PRPSAP1: variants seen among roughly 807,000 people sequenced by gnomAD.
PRPSAP1 encodes the protein phosphoribosyl pyrophosphate synthase-associated protein 1.
Under a neutral mutation model 39.4 loss-of-function variants are expected in PRPSAP1, and 31 were observed. The ratio of observed to expected loss-of-function variants is 0.79; its 90% confidence interval spans 0.59 to 1.06. The LOEUF is 1.06. Ranked by LOEUF, PRPSAP1 falls within the 50% of genes least tolerant of loss-of-function variation. PRPSAP1 has a pLI of 0.00. For synonymous variants in PRPSAP1, 212 were observed against 192.6 expected, an observed-to-expected ratio of 1.10 and a Z score of -0.83; for missense variants, 430 against 511.6, an observed-to-expected ratio of 0.84 and a Z score of 1.54.
chr17:76,332,242 A>G (rs2071329220), intron 4 of PRPSAP1, 21 bp downstream of exon 4: 6 of 1,610,388 alleles, frequency 3.7e-6, no homozygotes, highest in Non-Finnish European at 5.1e-6. Context: ...CTGGAACCCC[A>G]GGGCCCCCGC....
intron 7 of PRPSAP1, among the ~76,000 whole-genome samples, chr17:76,325,140 T>A (rs1364734810): frequency 1.4e-5 from 2 of 146,722 alleles, no homozygotes; most frequent in Admixed American, 6.9e-5. Context: ...CCGGGCACAG[T>A]GGTTTACGCC....
rs1470214604 is a variant in PRPSAP1, at chr17:76,310,004, G to A, written c.*1538C>T. The A allele has an allele frequency of 9.1e-6, 1 of 110,432 alleles. No homozygotes were observed. Among genetic ancestry groups the A allele is most frequent in the Non-Finnish European group, 1.7e-5 (1 of 57,646 alleles). The allele number at this position is 110,432 out of a possible 1,614,324, so 6.8% of individuals were successfully genotyped here. A position where few individuals can be genotyped will look rare whatever the true frequency, so the allele number is the denominator to read the frequency against. ...TTCTTTGCAGTCTTTTTTTTTTTTT[G>A]AGATGGAATCTTGCTCTGTCACTTG... is the stretch of plus-strand genomic sequence containing the variant. On this transcript the variant is annotated 3_prime_UTR_variant, in exon 10 of 10. Transcript: ENST00000446526.
chr17:76,312,843 T>C (rs777724432), intron 9 of PRPSAP1, 27 bp downstream of exon 9: 3 of 1,590,502 alleles, frequency 1.9e-6, no homozygotes, highest in African/African-American at 1.4e-5. Flanking sequence ...CAGTAAATCT[T>C]GGCTCAAGAT....
At chr17:76,339,473 A>T (rs2143523825) in intron 3 of PRPSAP1, among the ~76,000 whole-genome samples, 1 of 151,972 alleles carries the variant, frequency 6.6e-6, no homozygotes, top group South Asian at 2.1e-4. Flanking sequence ...CTGCACACCC[A>T]CACAAAACAA....
chr17:76,321,466 G>A (rs1354314017), intron 7 of PRPSAP1, among the ~76,000 whole-genome samples: 3 of 152,034 alleles, frequency 2.0e-5, no homozygotes, highest in East Asian at 3.9e-4. Context: ...ACTTGGACCC[G>A]GGAGGCGGAG....
chr17:76,312,835 G>GT (rs1237296006), intron 9 of PRPSAP1, 35 bp downstream of exon 9: 1 of 1,586,006 alleles, frequency 6.3e-7, no homozygotes, highest in African/African-American at 1.4e-5. Flanking sequence ...AAACACAGCA[G>GT]TAAATCTTGG....
In PRPSAP1 at chr17:76,328,852, A is replaced by G; in HGVS notation, c.646T>C (p.Tyr216His). 1.2e-6 allele frequency: 2 copies of G among 1,612,934 alleles called. No homozygotes were observed. Among genetic ancestry groups the G allele is most frequent in the Non-Finnish European group, 1.7e-6 (2 of 1,179,568 alleles). ...AAACCCAGACGCAGTCTCTCCGCATAGGACTGGGCCCTAGAAGGACAAAGG... is the reference window on the plus strand; with the variant it reads ...AAACCCAGACGCAGTCTCTCCGCATGGGACTGGGCCCTAGAAGGACAAAGG... ...SPDAAKRAQSYAERLRLGLAV... is the reference protein window; with the variant it reads ...SPDAAKRAQSHAERLRLGLAV... The change falls in exon 7 of 10, where the codon TAT (tyrosine) becomes CAT (histidine). Residue 216 changes from tyrosine (Y) to histidine (H), a missense_variant. Physicochemically the swap from Tyr to His is moderately conservative, Grantham distance 83 (BLOSUM62 2). Around this residue, in one of 2 missense-constraint regions of PRPSAP1, gnomAD observed 278 missense variants for 376.3 expected, o/e 0.74. Transcript: ENST00000446526.
chr17:76,319,316 C>G (rs1211567722), intron 7 of PRPSAP1: 1 of 152,100 alleles, frequency 6.6e-6, no homozygotes, highest in Admixed American at 6.6e-5. Context: ...CAGGTAGTGA[C>G]GTGTGGTAAC....
chr17:76,347,291 A>T (rs2143547346), intron 2 of PRPSAP1, among the ~76,000 whole-genome samples: 1 of 151,964 alleles, frequency 6.6e-6, no homozygotes, highest in Middle Eastern at 3.4e-3. Context: ...GTTCAAGACC[A>T]GCCTGACCAA....
At chr17:76,322,405 T>C (rs1009307057) in intron 7 of PRPSAP1, among the ~76,000 whole-genome samples, 4 of 152,010 alleles carry the variant, frequency 2.6e-5, no homozygotes, top group Non-Finnish European at 5.9e-5. Flanking sequence ...CAAAAAAATA[T>C]ATTTATCAAA....
intron 2 of PRPSAP1, among the ~76,000 whole-genome samples, chr17:76,347,205 G>T (rs1292933279): frequency 1.3e-5 from 2 of 151,588 alleles, no homozygotes; most frequent in Non-Finnish European, 2.9e-5. Context: ...AGACAGAGTG[G>T]GCCGGGCGCG....
chr17:76,330,712 A>G (rs779070369), intron 4 of PRPSAP1, 46 bp from the exon 5 acceptor site: 1 of 1,295,146 alleles, frequency 7.7e-7, no homozygotes, highest in East Asian at 2.4e-5. Context: ...CCTACAGGTA[A>G]ATGGCTACAG....
intron 7 of PRPSAP1, among the ~76,000 whole-genome samples, chr17:76,323,849 G>A (rs1214857138): frequency 6.6e-6 from 1 of 151,992 alleles, no homozygotes; most frequent in South Asian, 2.1e-4. Flanking sequence ...CTACAATTTT[G>A]AAAGTAGTTC....
intron 3 of PRPSAP1, among the ~76,000 whole-genome samples, chr17:76,334,245 A>T (rs1448765887): frequency 6.6e-6 from 1 of 152,206 alleles, no homozygotes; most frequent in East Asian, 1.9e-4. Context: ...GTTCCTACCC[A>T]TGGCAGCAGG....
chr17:76,346,463 C>T (rs2071501854), intron 2 of PRPSAP1, among the ~76,000 whole-genome samples: 1 of 152,180 alleles, frequency 6.6e-6, no homozygotes, highest in East Asian at 1.9e-4. Context: ...TCAGCATGGA[C>T]TTAAATCCCT....
chr17:76,311,244 C>T lies in PRPSAP1; in HGVS notation c.*298G>A, dbSNP rs570431223. Reference sequence around the variant, plus strand: ...CATTATAGAGTTAAGACTTTATGTGCCTTTAACTCCTCTTTAGTATCAATA... The same window carrying T: ...CATTATAGAGTTAAGACTTTATGTGTCTTTAACTCCTCTTTAGTATCAATA... On this transcript the variant is annotated 3_prime_UTR_variant, in exon 10 of 10. Coordinates refer to ENST00000446526, the MANE Select transcript of PRPSAP1 (RefSeq NM_002766.3). 4.4e-6 allele frequency: 1 copy of T among 226,722 alleles called. No homozygotes were observed. Among genetic ancestry groups the T allele is most frequent in the Admixed American group, 5.6e-5 (1 of 17,912 alleles). The allele number at this position is 226,722 out of a possible 1,614,324, so 14.0% of individuals were successfully genotyped here.
chr17:76,328,470 G>A (rs1341295269), intron 7 of PRPSAP1, among the ~76,000 whole-genome samples: 2 of 152,118 alleles, frequency 1.3e-5, no homozygotes, highest in African/African-American at 2.4e-5. Flanking sequence ...TTAGCTGGGC[G>A]TGGTGGCACA....
chr17:76,345,061 C>G (rs1359126491), intron 2 of PRPSAP1, among the ~76,000 whole-genome samples: 1 of 151,744 alleles, frequency 6.6e-6, no homozygotes, highest in Admixed American at 6.6e-5. Flanking sequence ...CAGTGAAACC[C>G]CGTCTCTACT....
intron 7 of PRPSAP1, among the ~76,000 whole-genome samples, chr17:76,320,323 A>AGAAG (rs2071178806): frequency 8.1e-5 from 2 of 24,836 alleles, no homozygotes; most frequent in South Asian, 2.9e-3. Flanking sequence ...GAGGAAGGGA[A>AGAAG]GAAGGGAGGG....
Sources: allele counts gnomAD v4.1 joint callset (sites outside exome capture counted in the v4.1 genomes callset), GRCh38; gene constraint gnomAD v4.1.1; regional missense constraint gnomAD v4.1.1; transcripts MANE v1.5; gene names NCBI Gene and HGNC (gene_info 2026-07-23, HGNC 2026-07-21).